Variants in DIAPH2 observed in about 807,000 individuals in gnomAD.
DIAPH2 encodes the protein diaphanous related formin 2.
A neutral mutation model predicts 92.7 loss-of-function variants in DIAPH2; 35 were observed. That is an observed-to-expected ratio of 0.38 (90% CI 0.29 to 0.50). DIAPH2 has a LOEUF of 0.50. Among genes scored for constraint, DIAPH2 ranks in the 20% least tolerant of loss-of-function variants. The probability of loss-of-function intolerance (pLI) is 0.94; values close to 1 mark genes in which losing one functional copy is unlikely to be tolerated. For missense variants in DIAPH2, 701 were observed against 819.5 expected (o/e 0.86, Z 1.77); for synonymous variants, 301 against 280.4 (o/e 1.07, Z -0.73).
intron 24 of DIAPH2, among the ~76,000 whole-genome samples, chrX:97,351,455 G>A (rs2069211561): frequency 8.9e-6 from 1 of 111,841 alleles, no homozygotes; most frequent in Non-Finnish European, 1.9e-5. Context: ...ATGTTAAGGT[G>A]CGATAATAAC....
chrX:96,852,206 A>G, intron 4 of DIAPH2, among the ~76,000 whole-genome samples: 1 of 112,385 alleles, frequency 8.9e-6, no homozygotes, highest in Non-Finnish European at 1.9e-5. Context: ...ATTCAGAAAA[A>G]CAACTTTTGA....
chrX:96,972,489 T>A (rs958110830), intron 17 of DIAPH2, among the ~76,000 whole-genome samples: 4 of 111,487 alleles, frequency 3.6e-5, no homozygotes, highest in African/African-American at 6.5e-5. Context: ...TCATTTAGGT[T>A]AAGTTTGTAG....
chrX:96,775,844 TAAA>T (rs954230862), intron 4 of DIAPH2, among the ~76,000 whole-genome samples: 3 of 111,528 alleles, frequency 2.7e-5, no homozygotes, highest in Non-Finnish European at 3.8e-5. Context: ...TTGTAAACTG[TAAA>T]ACACAGTACA....
intron 26 of DIAPH2, among the ~76,000 whole-genome samples, chrX:97,519,888 C>T (rs1383147320): frequency 9.1e-6 from 1 of 110,250 alleles, no homozygotes; most frequent in African/African-American, 3.3e-5. Context: ...AATTTTTGTA[C>T]TTTTAGTAGA....
At chrX:96,987,964 A>G in intron 17 of DIAPH2, among the ~76,000 whole-genome samples, 1 of 111,259 alleles carries the variant, frequency 9.0e-6, no homozygotes, top group South Asian at 3.8e-4. Context: ...AAAACTGCTT[A>G]TATTTTCTTG....
chrX:96,765,232 C>G (rs2064295613), intron 4 of DIAPH2, among the ~76,000 whole-genome samples: 1 of 99,009 alleles, frequency 1.0e-5, no homozygotes, highest in Non-Finnish European at 2.0e-5. Flanking sequence ...GGGTCTCACT[C>G]TGTTGCCCAG....
intron 4 of DIAPH2, among the ~76,000 whole-genome samples, chrX:96,846,437 T>G (rs1417919417): frequency 1.8e-5 from 2 of 112,422 alleles, no homozygotes; most frequent in Non-Finnish European, 3.8e-5. Flanking sequence ...CATGAGCCAC[T>G]GCTCCTGGCC....
At chrX:96,859,549 T>A (rs1602571708) in intron 4 of DIAPH2, among the ~76,000 whole-genome samples, 1 of 110,708 alleles carries the variant, frequency 9.0e-6, no homozygotes, top group Middle Eastern at 4.7e-3. Context: ...AGGGAGATAT[T>A]ATAATAGCAC....
At chrX:97,041,628 A>G (rs779630267) in intron 17 of DIAPH2, among the ~76,000 whole-genome samples, 1 of 111,815 alleles carries the variant, frequency 8.9e-6, no homozygotes, top group South Asian at 3.7e-4. Flanking sequence ...TCGGCATTAA[A>G]TCTGTTGATA....
intron 17 of DIAPH2, among the ~76,000 whole-genome samples, chrX:97,069,263 A>G (rs2066653626): frequency 9.0e-6 from 1 of 111,377 alleles, no homozygotes; most frequent in African/African-American, 3.3e-5. Context: ...TAGTGTACTT[A>G]ATAGGAAGGG....
Position 96,778,938 on chromosome X carries a change from G to A in DIAPH2, c.447+20680G>A, listed in dbSNP as rs146830624. Among the ~76,000 whole-genome samples the A allele has an allele frequency of 6.1e-3, 675 of 111,346 alleles. 5 individuals carry two copies. The highest frequency in any genetic ancestry group is 0.021 in the African/African-American group (647 of 30,694). On this transcript the variant is annotated intron_variant, in intron 4 of 26. Transcript: ENST00000324765. ...TTGATGATGTTACATGTGATCATTT[G>A]GTTGGAGAAGTATCTTCCCTATTTG...
chrX:96,882,947 A>T, intron 5 of DIAPH2, among the ~76,000 whole-genome samples: 1 of 78,699 alleles, frequency 1.3e-5, no homozygotes. Flanking sequence ...AGACAGAGCG[A>T]GACCCTGTCT....
In DIAPH2 at chrX:97,018,332, T is replaced by G. The variant is rs944275840; in HGVS notation, c.2050+53125T>G. Among the ~76,000 whole-genome samples, 3 of 112,421 alleles carry G rather than the reference T, an allele frequency of 2.7e-5. No homozygotes were observed. The East Asian group carries it at 8.3e-4, about 31-fold the overall frequency. On this transcript the variant is annotated intron_variant, in intron 17 of 26. Transcript: ENST00000324765. ...TATTTTATAACATTTTGGGGTGATTTTTAAAAATTATTTTTCAGACATTGT... is the reference window on the plus strand; with the variant it reads ...TATTTTATAACATTTTGGGGTGATTGTTAAAAATTATTTTTCAGACATTGT...
chrX:96,890,606 A>G (rs1346480462), intron 5 of DIAPH2, among the ~76,000 whole-genome samples: 2 of 111,094 alleles, frequency 1.8e-5, no homozygotes, highest in South Asian at 3.8e-4. Flanking sequence ...CTTTTTGTTC[A>G]GCCCCTCGTA....
chrX:97,346,534 A>AAAG (rs1450385875), intron 23 of DIAPH2, among the ~76,000 whole-genome samples: 1 of 111,714 alleles, frequency 9.0e-6, no homozygotes, highest in Non-Finnish European at 1.9e-5. Context: ...CTCTAAAACA[A>AAAG]AAGACAGATT....
At chrX:97,313,932 G>A in intron 23 of DIAPH2, among the ~76,000 whole-genome samples, 1 of 110,645 alleles carries the variant, frequency 9.0e-6, no homozygotes, top group East Asian at 2.9e-4. Flanking sequence ...GAGCCACCGT[G>A]CCCGGCCTGG....
At chrX:97,039,143 T>C (rs1371176060) in intron 17 of DIAPH2, among the ~76,000 whole-genome samples, 2 of 111,506 alleles carry the variant, frequency 1.8e-5, no homozygotes, top group Non-Finnish European at 3.8e-5. Flanking sequence ...CTGTATCTTA[T>C]TGTTTTTATT....
chrX:96,810,190 A>T (rs1225928322), intron 4 of DIAPH2, among the ~76,000 whole-genome samples: 1 of 111,723 alleles, frequency 9.0e-6, no homozygotes, highest in Non-Finnish European at 1.9e-5. Flanking sequence ...TTGTTTCCTG[A>T]CTTTTTAATG....
At chrX:97,371,913 A>C (rs747880622) in intron 24 of DIAPH2, among the ~76,000 whole-genome samples, 180 of 112,402 alleles carry the variant, frequency 1.6e-3, no homozygotes, top group African/African-American at 5.6e-3. Flanking sequence ...AAAAAATTGT[A>C]ATTAATTTCC....
Sources: gnomAD v4.1 joint callset for allele counts (sites outside exome capture counted in the v4.1 genomes callset) on GRCh38, gnomAD v4.1.1 for gene constraint, MANE v1.5 for transcripts, NCBI Gene and HGNC (gene_info 2026-07-23, HGNC 2026-07-21) for gene names.